Variants in CHD7 observed in about 807,000 individuals in gnomAD.
CHD7 encodes the protein chromodomain helicase DNA binding protein 7.
Under a neutral mutation model 307.3 loss-of-function variants are expected in CHD7, and 24 were observed. The observed-to-expected ratio is 0.08, with a 90% confidence interval of 0.06 to 0.11. CHD7 has a LOEUF of 0.11. CHD7 is among the 10% of genes least tolerant of loss of function. CHD7 has a pLI of 1.00. For missense variants in CHD7, 3,106 were observed against 3,727.1 expected, an observed-to-expected ratio of 0.83 and a Z score of 4.34; for synonymous variants, 1,363 against 1,349.9, an observed-to-expected ratio of 1.01 and a Z score of -0.21.
intron 1 of CHD7, among the ~76,000 whole-genome samples, chr8:60,732,032 T>C (rs1452230103): frequency 2.9e-4 from 44 of 152,394 alleles, no homozygotes; most frequent in Non-Finnish European, 1.2e-4. Flanking sequence ...CTATCACATG[T>C]GCACTGTTCT....
intron 3 of CHD7, among the ~76,000 whole-genome samples, chr8:60,790,278 A>G (rs1320966912): frequency 1.3e-5 from 2 of 152,062 alleles, no homozygotes; most frequent in African/African-American, 2.4e-5. Context: ...GGATGGCTCT[A>G]CGTCTCTCTA....
At chr8:60,716,916 A>G (rs1218279563) in intron 1 of CHD7, among the ~76,000 whole-genome samples, 1 of 152,218 alleles carries the variant, frequency 6.6e-6, no homozygotes, top group African/African-American at 2.4e-5. Flanking sequence ...TGTAAGCAAG[A>G]TAGCAAATAT....
chr8:60,690,527 T>C (rs1806141667), intron 1 of CHD7, among the ~76,000 whole-genome samples: 1 of 151,908 alleles, frequency 6.6e-6, no homozygotes, highest in South Asian at 2.1e-4. Flanking sequence ...AAACCTCCAG[T>C]TTTATAGGGA....
Position 60,865,182 on chromosome 8 carries a change from G to A in CHD7, c.8243G>A (p.Ser2748Asn). ...GGGATCAACCCTTTGCTGGTGAACA[G>A]CCTGTTTGCTGGAATGGACCTGACG... is the stretch of plus-strand genomic sequence containing the variant. ...TSGINPLLVN[S>N]LFAGMDLTSL... Residue 2748 changes from serine (S) to asparagine (N), a missense_variant, in exon 38 of 38, where the codon AGC becomes AAC. Physicochemically the swap from Ser to Asn is conservative, Grantham distance 46. Around this residue, in one of 10 missense-constraint regions of CHD7, gnomAD observed 351 missense variants for 366.2 expected, o/e 0.96. Coordinates refer to ENST00000423902, the MANE Select transcript of CHD7 (RefSeq NM_017780.4). This position sits in a 1 kb window ranked among gnomAD's most constrained non-coding sequence, Gnocchi z 4.3. 6.2e-7 allele frequency: 1 copy of A among 1,612,116 alleles called. No homozygotes were observed. The highest frequency in any genetic ancestry group is 8.5e-7 in the Non-Finnish European group (1 of 1,179,198).
In CHD7 at chr8:60,850,584, G is replaced by A. The variant is rs766542090; in HGVS notation, c.5496G>A (p.Glu1832=). The part of the protein sequence containing the change: ...GMPDAKAIAA[E]QRGTDMLADG... ...CTGATGCCAAGGCCATAGCTGCCGA[G>A]CAAAGAGGAACAGACATGCTAGCAG... Residue 1832 remains glutamate, a synonymous_variant, in exon 26 of 38, where the codon GAG becomes GAA. Coordinates refer to ENST00000423902, the MANE Select transcript of CHD7 (RefSeq NM_017780.4). 152 of 1,612,944 alleles carry A rather than the reference G, an allele frequency of 9.4e-5. No individual in the cohort carries two copies. The highest frequency in any genetic ancestry group is 1.6e-4 in the Middle Eastern group (1 of 6,080).
At chr8:60,850,802 A>G (rs1446789889) in intron 26 of CHD7, 180 bp downstream of exon 26, 1 of 751,326 alleles carries the variant, frequency 1.3e-6, no homozygotes, top group African/African-American at 1.8e-5. Context: ...CATTATCTTG[A>G]TAATCTGAAA....
chr8:60,840,720 C>A (rs1396609026), intron 19 of CHD7, among the ~76,000 whole-genome samples: 2 of 151,868 alleles, frequency 1.3e-5, no homozygotes, highest in South Asian at 2.1e-4. Flanking sequence ...TGGGTTCAAG[C>A]AATTCTCTTG....
intron 1 of CHD7, among the ~76,000 whole-genome samples, chr8:60,729,882 T>A (rs1301734881): frequency 6.6e-6 from 1 of 152,228 alleles, no homozygotes; most frequent in Admixed American, 6.5e-5. Flanking sequence ...TAAAGTGTGA[T>A]CTTTTTTCAA....
intron 7 of CHD7, among the ~76,000 whole-genome samples, chr8:60,815,583 G>A (rs1173875963): frequency 6.6e-6 from 1 of 152,166 alleles, no homozygotes; most frequent in East Asian, 1.9e-4. Context: ...ATGTATTCCA[G>A]TTCAGGTGAG....
At chr8:60,692,209 GT>G (rs35236967) in intron 1 of CHD7, among the ~76,000 whole-genome samples, 16,363 of 152,270 alleles carry the variant, frequency 0.11, 1,209 homozygotes, top group Admixed American at 0.18. Context: ...TCTCTTGCAT[GT>G]AACTGAATGA....
intron 6 of CHD7, among the ~76,000 whole-genome samples, chr8:60,802,538 AAAATAATATAT>A (rs1443863100): frequency 6.6e-6 from 1 of 152,200 alleles, no homozygotes; most frequent in Non-Finnish European, 1.5e-5. Flanking sequence ...CAAACTTTAA[AAAATAATATAT>A]AATAAAGACA....
At chr8:60,823,215 C>T (rs541938084) in intron 12 of CHD7, among the ~76,000 whole-genome samples, 1 of 152,170 alleles carries the variant, frequency 6.6e-6, no homozygotes, top group East Asian at 1.9e-4. Context: ...CTGTTAGTAG[C>T]AATTGCTTTA....
rs918029767 is a variant in CHD7 at position 60,742,137 on chromosome 8, G to A, written c.705G>A (p.Leu235=). The A allele has an allele frequency of 3.1e-6, 5 of 1,613,826 alleles. No homozygotes were observed. Among genetic ancestry groups the A allele is most frequent in the Admixed American group, 3.3e-5 (2 of 60,006 alleles). ...TTGCCACCTCAGGACCTGGCCACTT[G>A]TCCCACGTGCCCCAGCAGAGTCCCA... ...PFIATSGPGH[L]SHVPQQSPSM... The change falls in exon 2 of 38, where the codon TTG becomes TTA. Residue 235 remains leucine (L), a synonymous_variant. Transcript: ENST00000423902.
rs779024959 is a variant in CHD7 at position 60,741,727 on chromosome 8, G to C, written c.295G>C (p.Ala99Pro). Residue 99 changes from alanine to proline, a missense_variant, in exon 2 of 38, where the codon GCG becomes CCG. Physicochemically the swap from Ala to Pro is conservative, Grantham distance 27 (BLOSUM62 -1). Around this residue, in one of 10 missense-constraint regions of CHD7, gnomAD observed 998 missense variants for 1,004.5 expected, o/e 0.99. Coordinates refer to ENST00000423902, the MANE Select transcript of CHD7 (RefSeq NM_017780.4). ...MMSNTPGNGLASPHSQYHTPP... is the reference protein window; with the variant it reads ...MMSNTPGNGLPSPHSQYHTPP... ...GAGCAACACCCCTGGGAACGGACTC[G>C]CGTCTCCGCACTCGCAGTATCACAC... is the stretch of plus-strand genomic sequence containing the variant. 97 of 1,613,832 alleles carry C rather than the reference G, an allele frequency of 6.0e-5. No individual in the cohort carries two copies. Among genetic ancestry groups the C allele is most frequent in the Non-Finnish European group, 7.5e-5 (89 of 1,179,872 alleles).
At position 60,852,280 on chromosome 8, in the gene CHD7, G is replaced by A. The variant is rs368797237; in HGVS notation, c.5894+33G>A. On this transcript the variant is annotated intron_variant, in intron 29 of 37. Transcript: ENST00000423902. ...TCTTCAAGGTTTCCACTCAGCTCCCGGTACATGCCCCTCTGCCCTGCTCCT... is the reference window on the plus strand; with the variant it reads ...TCTTCAAGGTTTCCACTCAGCTCCCAGTACATGCCCCTCTGCCCTGCTCCT... 3.1e-4 allele frequency: 487 copies of A among 1,574,114 alleles called. 1 individual carries two copies. The highest frequency in any genetic ancestry group is 1.8e-3 in the South Asian group (163 of 88,500).
chr8:60,753,779 C>T (rs539573186), intron 2 of CHD7, among the ~76,000 whole-genome samples: 12 of 151,782 alleles, frequency 7.9e-5, no homozygotes, highest in East Asian at 3.9e-4. Context: ...CGCCCACCAC[C>T]GCACCTGGCT....
At chr8:60,823,712 A>T in intron 12 of CHD7, 128 bp from the exon 13 acceptor site, 1 of 785,024 alleles carries the variant, frequency 1.3e-6, no homozygotes. Context: ...TTGAAAACAG[A>T]ATGTATGTCA....
At position 60,783,729 on chromosome 8, in the gene CHD7, C is replaced by T. The variant is rs1291423995; in HGVS notation, c.2096+2299C>T. Among the ~76,000 whole-genome samples, 9 of 152,008 alleles carry T rather than the reference C, an allele frequency of 5.9e-5. 1 individual carries two copies. Among genetic ancestry groups the T allele is most frequent in the African/African-American group, 1.2e-4 (5 of 41,368 alleles). ...TGAGCCTGCGGATTTACAGGTTAAA[C>T]GGGAGCTGCTGCAGTGTGGCCCAAA... On this transcript the variant is annotated intron_variant, in intron 3 of 37. Coordinates refer to ENST00000423902, the MANE Select transcript of CHD7 (RefSeq NM_017780.4).
At chr8:60,844,790 T>A (rs1345394985) in intron 21 of CHD7, 74 bp from the exon 22 acceptor site, 1 of 1,300,864 alleles carries the variant, frequency 7.7e-7, no homozygotes, top group African/African-American at 1.5e-5. Context: ...TTCCCAACGC[T>A]GGTACCTGAC....
Sources: gnomAD v4.1 joint callset for allele counts (sites outside exome capture counted in the v4.1 genomes callset) on GRCh38, gnomAD v4.1.1 for gene constraint, gnomAD v4.1.1 regional missense constraint, Gnocchi (gnomAD v3.1) non-coding constraint, MANE v1.5 for transcripts, NCBI Gene and HGNC (gene_info 2026-07-23, HGNC 2026-07-21) for gene names.